SPATA6L: variants seen among roughly 807,000 people sequenced by gnomAD.
The protein encoded by SPATA6L is spermatogenesis associated 6 like.
SPATA6L carries 68 observed loss-of-function variants against 49.2 expected under a neutral mutation model. The observed-to-expected ratio is 1.38, with a 90% CI of 1.14 to 1.69. The LOEUF (loss-of-function observed/expected upper bound fraction) is 1.69, where lower values mean the gene tolerates loss of function less well. Ranked by LOEUF, SPATA6L falls within the 40% of genes most tolerant of loss-of-function variation. The pLI is 0.00. For synonymous variants in SPATA6L, 198 were observed against 165.7 expected (o/e 1.19, Z -1.50); for missense variants, 668 against 464.3 (o/e 1.44, Z -4.03).
At chr9:4,589,070 G>T (rs1481514349) in intron 13 of SPATA6L, 1 of 152,196 alleles carries the variant, frequency 6.6e-6, no homozygotes, top group Non-Finnish European at 1.5e-5. Flanking sequence ...AGGGACTATG[G>T]AACACGATGA....
chr9:4,655,898 G>C (rs1838042426), intron 3 of SPATA6L, 143 bp downstream of exon 3: 1 of 688,880 alleles, frequency 1.5e-6, no homozygotes, highest in South Asian at 1.9e-5. Flanking sequence ...TCAAAAATGT[G>C]ATTCAAATTT....
chr9:4,601,799 C>G (rs1336925963), intron 11 of SPATA6L, among the ~76,000 whole-genome samples: 2 of 152,284 alleles, frequency 1.3e-5, no homozygotes, highest in East Asian at 3.9e-4. Flanking sequence ...TGGGGTCTGT[C>G]CTCCCAACCC....
At position 4,598,609 on chromosome 9, in the gene SPATA6L, G is replaced by C. The variant is rs1170645259; in HGVS notation, c.*2202C>G. Among the ~76,000 whole-genome samples, 1 of 152,220 alleles carries C rather than the reference G, an allele frequency of 6.6e-6. No homozygotes were observed. The highest frequency in any genetic ancestry group is 1.5e-5 in the Non-Finnish European group (1 of 68,042). ...TGGGCATTTAAGATCTTATTAAAGA[G>C]TTATGCTTAAACCATTTCAAAAAAC... On this transcript the variant is annotated 3_prime_UTR_variant, in exon 12 of 12. Transcript: ENST00000682582.
intron 11 of SPATA6L, among the ~76,000 whole-genome samples, chr9:4,602,286 G>A (rs997165125): frequency 2.6e-5 from 4 of 151,976 alleles, no homozygotes; most frequent in East Asian, 1.9e-4. Context: ...GCTATGTTCC[G>A]TATAACCACC....
intron 2 of SPATA6L, among the ~76,000 whole-genome samples, chr9:4,659,609 T>C (rs562471542): frequency 6.6e-6 from 1 of 152,244 alleles, no homozygotes; most frequent in East Asian, 1.9e-4. Context: ...CTGCCCAGGG[T>C]AATTTATAGA....
At chr9:4,641,441 T>C (rs1426189702) in intron 3 of SPATA6L, among the ~76,000 whole-genome samples, 1 of 152,202 alleles carries the variant, frequency 6.6e-6, no homozygotes, top group East Asian at 1.9e-4. Context: ...TATTTGCATA[T>C]AACCTATGCA....
At chr9:4,606,324 T>C (rs1262935501) in intron 9 of SPATA6L, among the ~76,000 whole-genome samples, 1 of 142,112 alleles carries the variant, frequency 7.0e-6, no homozygotes, top group Admixed American at 7.2e-5. Context: ...CCTGCCTCTG[T>C]AGGCGCCACG....
intron 7 of SPATA6L, 132 bp downstream of exon 7, chr9:4,622,276 C>T (rs562029729): frequency 4.8e-6 from 3 of 621,628 alleles, no homozygotes; most frequent in East Asian, 5.6e-5. Flanking sequence ...GGAAATTCCA[C>T]AGCTGGAGAG....
chr9:4,616,087 C>T (rs1165756459), intron 9 of SPATA6L, among the ~76,000 whole-genome samples: 1 of 152,070 alleles, frequency 6.6e-6, no homozygotes, highest in Non-Finnish European at 1.5e-5. Flanking sequence ...GCCTGGGCAA[C>T]ACAGTGAGAC....
chr9:4,625,364 A>AT lies in SPATA6L; in HGVS notation c.631dup (p.Ile211AsnfsTer12). ...AAATGGAGGCTTGCTTCCTCCAGAG[A>AT]TTTTGAAATTATTTCCAAGGTTCAA... On this transcript the variant is annotated frameshift_variant, in exon 6 of 12. Transcript: ENST00000682582. LOFTEE classifies it high-confidence loss of function. 1 of 1,614,000 alleles carries AT rather than the reference A, an allele frequency of 6.2e-7. No homozygotes were observed. Among genetic ancestry groups the AT allele is most frequent in the Non-Finnish European group, 8.5e-7 (1 of 1,179,978 alleles).
Position 4,622,417 on chromosome 9 carries a change from T to C in SPATA6L, c.763A>G (p.Thr255Ala), listed in dbSNP as rs577068649. The C allele has an allele frequency of 2.5e-6, 4 of 1,608,612 alleles. No individual in the cohort carries two copies. The highest frequency in any genetic ancestry group is 1.3e-5 in the African/African-American group (1 of 74,922). Residue 255 changes from threonine to alanine, a missense_variant, in exon 7 of 12, where the codon ACG (threonine) becomes GCG (alanine). By Grantham distance (58) the Thr-to-Ala change is moderately conservative. Coordinates refer to ENST00000682582, the MANE Select transcript of SPATA6L (RefSeq NM_001353486.2). Reference protein sequence around the residue: ...KSKFSDFPFPTRRASSLDSLA... With the variant: ...KSKFSDFPFPARRASSLDSLA... ...CAAGAAACTCGAGTACCTCTTCTCG[T>C]TGGAAACGGAAAGTCTGAAAACTTA...
chr9:4,662,072 A>G lies in SPATA6L; in HGVS notation c.40-36T>C. 1 of 1,608,736 alleles carries G rather than the reference A, an allele frequency of 6.2e-7. No individual in the cohort carries two copies. The highest frequency in any genetic ancestry group is 1.7e-4 in the Middle Eastern group (1 of 6,040). ...AAGAAAACAACAAACAAGGGAGAGA[A>G]AACAGACTTTGCTTTGTTTTGTTAC... On this transcript the variant is annotated intron_variant, in intron 1 of 11. Transcript: ENST00000682582. This position sits in a 1 kb window ranked among gnomAD's most constrained non-coding sequence, Gnocchi z 4.9.
chr9:4,606,147 T>A (rs192490503), intron 9 of SPATA6L, among the ~76,000 whole-genome samples: 1 of 151,934 alleles, frequency 6.6e-6, no homozygotes, highest in African/African-American at 2.4e-5. Flanking sequence ...CGGAGGGTCC[T>A]ACGCCCACGG....
At position 4,598,329 on chromosome 9, in the gene SPATA6L, G is replaced by A. The variant is rs192650859; in HGVS notation, c.*2482C>T. Among the ~76,000 whole-genome samples the A allele has an allele frequency of 1.0e-3, 154 of 152,328 alleles. No homozygotes were observed. The highest frequency in any genetic ancestry group is 3.5e-3 in the African/African-American group (147 of 41,568). On this transcript the variant is annotated 3_prime_UTR_variant, in exon 12 of 12. Coordinates refer to ENST00000682582, the MANE Select transcript of SPATA6L (RefSeq NM_001353486.2). Reference sequence around the variant, plus strand: ...GACAGATGGGAATTCTTTTTATGATGTTTAATGACACAGATCTTCCCAAAG... The same window carrying A: ...GACAGATGGGAATTCTTTTTATGATATTTAATGACACAGATCTTCCCAAAG...
intron 13 of SPATA6L, among the ~76,000 whole-genome samples, chr9:4,591,190 G>C (rs1382654330): frequency 6.6e-6 from 1 of 152,174 alleles, no homozygotes; most frequent in South Asian, 2.1e-4. Context: ...ACTCCTTCCA[G>C]TGTATGAGCA....
chr9:4,622,576 C>T (rs546803005), intron 6 of SPATA6L, 66 bp from the exon 7 acceptor site: 40 of 1,110,124 alleles, frequency 3.6e-5, no homozygotes, highest in Middle Eastern at 4.0e-4. Context: ...CCCTCGTTAC[C>T]GGAATGCCTG....
chr9:4,648,714 T>TAAATAAATAAAAAAA (rs60168646), intron 3 of SPATA6L, among the ~76,000 whole-genome samples: 1 of 145,118 alleles, frequency 6.9e-6, no homozygotes, highest in Non-Finnish European at 1.5e-5. Flanking sequence ...AATAAATAAA[T>TAAATAAATAAAAAAA]TAAATAAATA....
intron 1 of SPATA6L, chr9:4,663,360 C>T: frequency 7.8e-7 from 1 of 1,285,766 alleles, no homozygotes. Flanking sequence ...CCCTCTTAGG[C>T]ATTTCAGGCT....
chr9:4,631,930 A>G (rs1310011186), intron 4 of SPATA6L, among the ~76,000 whole-genome samples: 1 of 152,162 alleles, frequency 6.6e-6, no homozygotes, highest in African/African-American at 2.4e-5. Context: ...TGGGGAAAGA[A>G]TAGCTGTCAC....
Sources: allele counts gnomAD v4.1 joint callset (sites outside exome capture counted in the v4.1 genomes callset), GRCh38; gene constraint gnomAD v4.1.1; non-coding constraint Gnocchi (gnomAD v3.1); transcripts MANE v1.5; gene names NCBI Gene and HGNC (gene_info 2026-07-23, HGNC 2026-07-21).